The following RP1 variants were observed in gnomAD, a reference collection of about 807,000 sequenced individuals.
RP1 encodes the protein oxygen-regulated protein 1.
Under a neutral mutation model 14.8 loss-of-function variants are expected in RP1, and 16 were observed. The observed-to-expected ratio is 1.08, with a 90% CI of 0.73 to 1.65. The LOEUF is 1.65. Among genes scored for constraint, RP1 ranks in the 40% most tolerant of loss-of-function variants. RP1 has a pLI of 0.00. For missense variants in RP1, 2,631 were observed against 2,535.0 expected (o/e 1.04, Z -0.81); for synonymous variants, 876 against 883.6 (o/e 0.99, Z 0.15).
In RP1 at chr8:54,822,986, C is replaced by A. The variant is rs189323441; in HGVS notation, c.3616-14464C>A. 1.1e-3 allele frequency among the ~76,000 whole-genome samples: 168 copies of A among 152,168 alleles called. 1 individual carries two copies. Among genetic ancestry groups the A allele is most frequent in the Non-Finnish European group, 1.9e-3 (127 of 68,010 alleles). On this transcript the variant is annotated intron_variant, in intron 24 of 28. Transcript: ENST00000637698. ...AAGATAATAGAGAGGCCTTGTGTAC[C>A]CTTAACCCATTTTCCCACAGTGGTT...
chr8:54,817,768 A>C (rs879714485), intron 24 of RP1, among the ~76,000 whole-genome samples: 3 of 152,156 alleles, frequency 2.0e-5, no homozygotes, highest in Non-Finnish European at 4.4e-5. Context: ...AATTTTACTG[A>C]TGTTCACACA....
downstream of RP1, among the ~76,000 whole-genome samples, chr8:54,631,905 G>A (rs1355158523): frequency 6.6e-6 from 1 of 151,596 alleles, no homozygotes; most frequent in African/African-American, 2.4e-5. Context: ...GCAATGGTGC[G>A]ATCTCGGCTC....
At chr8:54,759,100 T>C in intron 22 of RP1, 1 of 1,529,030 alleles carries the variant, frequency 6.5e-7, no homozygotes, top group Non-Finnish European at 8.7e-7. Flanking sequence ...CCAAGATACT[T>C]CAAAAGAGTA....
At chr8:54,578,861 T>A (rs1274404109) in intron 1 of RP1, among the ~76,000 whole-genome samples, 2 of 152,144 alleles carry the variant, frequency 1.3e-5, no homozygotes, top group African/African-American at 4.8e-5. Context: ...GGCAGTTAAG[T>A]TCCTTAACAA....
intron 24 of RP1, among the ~76,000 whole-genome samples, chr8:54,830,534 C>T (rs1392285795): frequency 6.6e-6 from 1 of 151,970 alleles, no homozygotes; most frequent in African/African-American, 2.4e-5. Context: ...TTTGTGTTTT[C>T]TTGGTATCTC....
chr8:54,676,614 G>A (rs446765), intron 8 of RP1, among the ~76,000 whole-genome samples: 2 of 151,942 alleles, frequency 1.3e-5, no homozygotes, highest in Admixed American at 6.6e-5. Flanking sequence ...ACTCTTACCC[G>A]TCCCTAATCC....
chr8:54,859,052 G>A (rs4737745), intron 27 of RP1, among the ~76,000 whole-genome samples: 1 of 151,924 alleles, frequency 6.6e-6, no homozygotes, highest in African/African-American at 2.4e-5. Context: ...TGTCACCATA[G>A]AGCAGCTCAC....
intron 24 of RP1, among the ~76,000 whole-genome samples, chr8:54,799,468 A>G (rs1209871206): frequency 6.6e-6 from 1 of 151,978 alleles, no homozygotes; most frequent in African/African-American, 2.4e-5. Flanking sequence ...CTATGTTTAG[A>G]CCATTCTCAT....
chr8:54,586,489 T>C (rs1044358342), intron 1 of RP1, among the ~76,000 whole-genome samples: 1 of 152,218 alleles, frequency 6.6e-6, no homozygotes, highest in African/African-American at 2.4e-5. Flanking sequence ...AGATCTCCAG[T>C]TGTGTGCTGG....
Position 54,625,899 on chromosome 8 carries a change from A to G in RP1, c.2017A>G (p.Lys673Glu), listed in dbSNP as rs766341403. ...KILSSVASKK[K>E]KKSRQQAINS... ...TTTGTCATCTGTTGCCAGCAAAAAG[A>G]AGAAAAAATCTCGACAGCAAGCAAT... is the stretch of plus-strand genomic sequence containing the variant. The change falls in exon 4 of 4, where the codon AAG (lysine) becomes GAG (glutamate). Residue 673 changes from lysine to glutamate, a missense_variant. Lys to Glu is a moderately conservative substitution (Grantham distance 56). Transcript: ENST00000220676. 6.2e-7 allele frequency: 1 copy of G among 1,613,892 alleles called. No individual in the cohort carries two copies.
rs537712375 is a variant in RP1 at position 54,603,583 on chromosome 8, T to C, written c.-12-17372T>C. Among the ~76,000 whole-genome samples, 750 of 152,248 alleles carry C rather than the reference T, an allele frequency of 4.9e-3. 8 individuals carry two copies. The highest frequency in any genetic ancestry group is 0.017 in the African/African-American group (719 of 41,550). ...TTTCCAATTCTGTGAAGAAAGTCATTGGTAGCTTGATGGGGATGGCATTGA... is the reference window on the plus strand; with the variant it reads ...TTTCCAATTCTGTGAAGAAAGTCATCGGTAGCTTGATGGGGATGGCATTGA... On this transcript the variant is annotated intron_variant, in intron 1 of 22. Coordinates refer to the RP1 transcript ENST00000636932.
chr8:54,668,491 C>T (rs1807069331), intron 7 of RP1, among the ~76,000 whole-genome samples: 2 of 152,180 alleles, frequency 1.3e-5, no homozygotes, highest in South Asian at 2.1e-4. Context: ...CATCAAGCTA[C>T]TAATGACTTT....
At chr8:54,602,717 A>G (rs1196284658) in intron 1 of RP1, among the ~76,000 whole-genome samples, 1 of 152,082 alleles carries the variant, frequency 6.6e-6, no homozygotes, top group Non-Finnish European at 1.5e-5. Context: ...TGACTTTTTA[A>G]TGATTGCCAT....
chr8:54,629,830 A>G lies in RP1; in HGVS notation c.5948A>G (p.Asn1983Ser). Reference protein sequence around the residue: ...KASMRQNLIDNAIGDIFDQFY... With the variant: ...KASMRQNLIDSAIGDIFDQFY... ...AGTATGAGACAAAATCTTATTGATA[A>G]TGCCATTGGTGATATATTTGATCAG... Residue 1983 changes from asparagine to serine, a missense_variant, in exon 4 of 4, where the codon AAT becomes AGT. Asn to Ser is a conservative substitution (Grantham distance 46). Coordinates refer to ENST00000220676, the MANE Select transcript of RP1 (RefSeq NM_006269.2). 2 of 1,613,122 alleles carry G rather than the reference A, an allele frequency of 1.2e-6. No homozygotes were observed. The highest frequency in any genetic ancestry group is 1.7e-5 in the Admixed American group (1 of 59,886).
chr8:54,630,425 G>T lies in RP1; in HGVS notation c.*72G>T. The T allele has an allele frequency of 6.3e-7, 1 of 1,587,260 alleles. No individual in the cohort carries two copies. The highest frequency in any genetic ancestry group is 1.8e-5 in the Admixed American group (1 of 56,572). On this transcript the variant is annotated 3_prime_UTR_variant, in exon 4 of 4. Coordinates refer to ENST00000220676, the MANE Select transcript of RP1 (RefSeq NM_006269.2). The stretch of plus-strand genomic sequence containing the variant: ...GAGATGAAGCACATGTGACGAATAC[G>T]GACTAGATAACCTCTAAGAATTTTC...
intron 24 of RP1, among the ~76,000 whole-genome samples, chr8:54,833,102 T>C (rs1220764631): frequency 6.6e-6 from 1 of 151,990 alleles, no homozygotes; most frequent in African/African-American, 2.4e-5. Flanking sequence ...TGACTGGCAT[T>C]TACATGCAGA....
chr8:54,674,118 C>T (rs920396868), intron 8 of RP1, among the ~76,000 whole-genome samples: 3 of 151,814 alleles, frequency 2.0e-5, no homozygotes, highest in African/African-American at 7.3e-5. Context: ...TTCAAAATGA[C>T]ATAGGCTTGG....
At chr8:54,680,538 G>A (rs545268938) in intron 12 of RP1, among the ~76,000 whole-genome samples, 103 of 152,248 alleles carry the variant, frequency 6.8e-4, no homozygotes, top group African/African-American at 2.3e-3. Context: ...ACTTTACTAT[G>A]CTGGAAACCG....
chr8:54,850,174 A>G (rs1812027272), intron 25 of RP1, among the ~76,000 whole-genome samples: 1 of 152,222 alleles, frequency 6.6e-6, no homozygotes, highest in African/African-American at 2.4e-5. Context: ...AAGCTAAATG[A>G]CAGTGATAGA....
Sources: gnomAD v4.1 joint callset for allele counts (sites outside exome capture counted in the v4.1 genomes callset) on GRCh38, gnomAD v4.1.1 for gene constraint, MANE v1.5 for transcripts, NCBI Gene and HGNC (gene_info 2026-07-23, HGNC 2026-07-21) for gene names.